CHN2: variants seen among roughly 807,000 people sequenced by gnomAD.
CHN2 encodes beta-chimaerin.
In CHN2, 35 loss-of-function variants were observed where a neutral mutation model predicts 56.3. The observed-to-expected ratio is 0.62, with a 90% CI of 0.47 to 0.82. CHN2 has a LOEUF of 0.82. CHN2 is among the 40% of genes least tolerant of loss of function. The probability of loss-of-function intolerance (pLI) is 0.00; values close to 1 mark genes in which losing one functional copy is unlikely to be tolerated. For synonymous variants in CHN2, 210 were observed against 212.8 expected, an observed-to-expected ratio of 0.99 and a Z score of 0.12; for missense variants, 491 against 580.5, an observed-to-expected ratio of 0.85 and a Z score of 1.58.
intron 2 of CHN2, among the ~76,000 whole-genome samples, chr7:29,179,556 A>G (rs1389997467): frequency 6.6e-6 from 1 of 152,232 alleles, no homozygotes; most frequent in African/African-American, 2.4e-5. Flanking sequence ...TCTTCTTCAT[A>G]AGCAAGAACA....
At chr7:29,317,397 G>A (rs936365514) in intron 1 of CHN2, among the ~76,000 whole-genome samples, 5 of 152,188 alleles carry the variant, frequency 3.3e-5, no homozygotes, top group African/African-American at 1.2e-4. Context: ...CTTTGGGACC[G>A]AAGGATATTT....
chr7:29,489,089 AT>A (rs1334059182), intron 7 of CHN2, among the ~76,000 whole-genome samples: 2 of 152,220 alleles, frequency 1.3e-5, no homozygotes, highest in African/African-American at 4.8e-5. Context: ...GACAAATAAC[AT>A]CCTGTTCATT....
At chr7:29,283,800 G>T (rs930481233) in intron 1 of CHN2, among the ~76,000 whole-genome samples, 3 of 151,606 alleles carry the variant, frequency 2.0e-5, no homozygotes, top group Admixed American at 2.0e-4. Flanking sequence ...TGTATTTTTA[G>T]TAGAGATGGG....
intron 2 of CHN2, among the ~76,000 whole-genome samples, chr7:29,174,828 C>G (rs988254708): frequency 2.0e-5 from 3 of 149,624 alleles, no homozygotes; most frequent in African/African-American, 7.4e-5. Context: ...CCATCGCACT[C>G]CAGCCTGGGC....
chr7:29,263,153 C>G (rs920266470), intron 1 of CHN2, among the ~76,000 whole-genome samples: 1 of 152,246 alleles, frequency 6.6e-6, no homozygotes, highest in African/African-American at 2.4e-5. Context: ...CTCAGCCTGC[C>G]GAGTGCCTGG....
At chr7:29,348,025 T>C (rs182261264) in intron 1 of CHN2, among the ~76,000 whole-genome samples, 1 of 152,210 alleles carries the variant, frequency 6.6e-6, no homozygotes, top group Non-Finnish European at 1.5e-5. Flanking sequence ...TTGGGAACTT[T>C]CTACAGTGTA....
chr7:29,406,070 C>T (rs1032775249), intron 6 of CHN2, among the ~76,000 whole-genome samples: 3 of 152,226 alleles, frequency 2.0e-5, no homozygotes, highest in African/African-American at 7.2e-5. Context: ...ACTCTGTGCT[C>T]ATCAGAGTGT....
intron 6 of CHN2, among the ~76,000 whole-genome samples, chr7:29,430,794 A>G (rs1043250372): frequency 0.11 from 10,907 of 98,778 alleles, 452 homozygotes; most frequent in Middle Eastern, 0.19. Flanking sequence ...GATAGCAAAA[A>G]AAAAAAAAAA....
At chr7:29,476,742 G>T (rs535007985) in intron 6 of CHN2, among the ~76,000 whole-genome samples, 4 of 152,052 alleles carry the variant, frequency 2.6e-5, no homozygotes, top group South Asian at 2.1e-4. Flanking sequence ...ACATACTTAG[G>T]GGGAGGGGCT....
chr7:29,264,200 G>C (rs953999927), intron 1 of CHN2, among the ~76,000 whole-genome samples: 5 of 149,602 alleles, frequency 3.3e-5, no homozygotes, highest in Admixed American at 2.7e-4. Context: ...GAAGTGAGGA[G>C]CCCCTCTGCC....
At chr7:29,461,590 T>C (rs1284067696) in intron 6 of CHN2, among the ~76,000 whole-genome samples, 1 of 152,222 alleles carries the variant, frequency 6.6e-6, no homozygotes, top group Admixed American at 6.5e-5. Context: ...GCCTTCATGT[T>C]TCATGTGTGA....
At chr7:29,454,900 T>C (rs1784640282) in intron 6 of CHN2, among the ~76,000 whole-genome samples, 1 of 151,034 alleles carries the variant, frequency 6.6e-6, no homozygotes, top group Non-Finnish European at 1.5e-5. Context: ...GTGCATTTTT[T>C]AACTAGACTG....
At chr7:29,189,884 G>A (rs936639460), upstream of CHN2, among the ~76,000 whole-genome samples, 3 of 152,190 alleles carry the variant, frequency 2.0e-5, no homozygotes, top group Non-Finnish European at 4.4e-5. Flanking sequence ...CCTGCGTCGT[G>A]TGCCGCCACT....
intron 1 of CHN2, among the ~76,000 whole-genome samples, chr7:29,341,899 A>G (rs1217445345): frequency 2.0e-5 from 3 of 152,208 alleles, no homozygotes; most frequent in Non-Finnish European, 4.4e-5. Context: ...CCTTTTCACC[A>G]ACCATGTGGC....
chr7:29,468,350 G>A (rs1785744641), intron 6 of CHN2, among the ~76,000 whole-genome samples: 4 of 152,036 alleles, frequency 2.6e-5, no homozygotes, highest in Admixed American at 2.6e-4. Context: ...AGGCGGAGCT[G>A]GGTAAGTGTT....
chr7:29,185,940 C>T (rs185264101), intron 2 of CHN2, among the ~76,000 whole-genome samples: 4 of 152,264 alleles, frequency 2.6e-5, no homozygotes, highest in African/African-American at 4.8e-5. Context: ...TAGGGAAACT[C>T]GCCCATGTGA....
intron 3 of CHN2, among the ~76,000 whole-genome samples, chr7:29,389,224 C>G (rs903457425): frequency 3.9e-5 from 6 of 152,200 alleles, no homozygotes; most frequent in African/African-American, 1.2e-4. Context: ...CAATGAAAAT[C>G]TTATTCTCTT....
At chr7:29,491,122 A>G (rs1222891020) in intron 7 of CHN2, among the ~76,000 whole-genome samples, 1 of 152,170 alleles carries the variant, frequency 6.6e-6, no homozygotes, top group Non-Finnish European at 1.5e-5. Context: ...ATCACTAATA[A>G]TGCAAATATA....
At chr7:29,427,618 A>G (rs1804996674) in intron 6 of CHN2, among the ~76,000 whole-genome samples, 1 of 149,654 alleles carries the variant, frequency 6.7e-6, no homozygotes, top group South Asian at 2.1e-4. Context: ...ATATCTGTTG[A>G]CCAAGCAAGC....
Sources: allele counts gnomAD v4.1 joint callset (sites outside exome capture counted in the v4.1 genomes callset), GRCh38; gene constraint gnomAD v4.1.1; transcripts MANE v1.5; gene names NCBI Gene and HGNC (gene_info 2026-07-23, HGNC 2026-07-21).